STX12: variants seen among roughly 807,000 people sequenced by gnomAD.
STX12 encodes syntaxin 12, also known as syntaxin-12.
In STX12, 17 loss-of-function variants were observed where a neutral mutation model predicts 42.2. That is an observed-to-expected ratio of 0.40 (90% confidence interval 0.28 to 0.60). The LOEUF (loss-of-function observed/expected upper bound fraction) is 0.60. STX12 is among the 20% of genes least tolerant of loss of function. The probability of loss-of-function intolerance (pLI) is 0.39; values close to 1 mark genes in which losing one functional copy is unlikely to be tolerated. For missense variants in STX12, 297 were observed against 330.9 expected, an observed-to-expected ratio of 0.90 and a Z score of 0.79; for synonymous variants, 108 against 116.7, an observed-to-expected ratio of 0.93 and a Z score of 0.48.
At chr1:27,804,726 G>A (rs539540256) in intron 4 of STX12, among the ~76,000 whole-genome samples, 2 of 150,566 alleles carry the variant, frequency 1.3e-5, no homozygotes, top group East Asian at 2.0e-4. Context: ...CAGGAGACTC[G>A]CTTCAACCCG....
At chr1:27,817,948 C>T in intron 7 of STX12, 25 bp downstream of exon 7, 1 of 1,586,716 alleles carries the variant, frequency 6.3e-7, no homozygotes, top group Non-Finnish European at 8.7e-7. Flanking sequence ...TACCTTTAAC[C>T]TCAAGGTGAG....
intron 6 of STX12, among the ~76,000 whole-genome samples, chr1:27,812,990 C>A (rs769213715): frequency 6.6e-6 from 1 of 152,134 alleles, no homozygotes; most frequent in Non-Finnish European, 1.5e-5. Flanking sequence ...AGAATAAAGG[C>A]AGGCCAAAAG....
chr1:27,792,130 ATATATG>A (rs1286496303), intron 2 of STX12, among the ~76,000 whole-genome samples: 31 of 134,504 alleles, frequency 2.3e-4, no homozygotes, highest in African/African-American at 8.6e-4. Flanking sequence ...ATATATATCT[ATATATG>A]TATATATCTA....
chr1:27,787,997 G>C (rs1343754675), intron 1 of STX12, among the ~76,000 whole-genome samples: 1 of 152,062 alleles, frequency 6.6e-6, no homozygotes, highest in Non-Finnish European at 1.5e-5. Flanking sequence ...TAGCAGGCTG[G>C]TGTTTCACAA....
chr1:27,789,506 A>G lies in STX12; in HGVS notation c.119-56A>G, dbSNP rs910847918. On this transcript the variant is annotated intron_variant, in intron 1 of 8. Transcript: ENST00000373943. Reference sequence around the variant, plus strand: ...AGACCAGGAATCTTAGAAGTAGGGTACTCATGATGAATGTATTTTTCTTTT... The same window carrying G: ...AGACCAGGAATCTTAGAAGTAGGGTGCTCATGATGAATGTATTTTTCTTTT... 6.3e-6 allele frequency: 8 copies of G among 1,265,412 alleles called. No individual in the cohort carries two copies. In the Admixed American group the frequency reaches 1.5e-4, roughly 25 times the overall value. The allele number at this position is 1,265,412 out of a possible 1,614,324, so 78.4% of individuals were successfully genotyped here.
At chr1:27,798,259 A>G (rs755543193) in intron 3 of STX12, among the ~76,000 whole-genome samples, 3 of 152,112 alleles carry the variant, frequency 2.0e-5, no homozygotes, top group Non-Finnish European at 4.4e-5. Context: ...GGCCGGGCAC[A>G]GTGGTTCACA....
chr1:27,821,787 C>A (rs2088986164), intron 8 of STX12, among the ~76,000 whole-genome samples: 1 of 152,134 alleles, frequency 6.6e-6, no homozygotes, highest in Non-Finnish European at 1.5e-5. Context: ...GAAGCCGAGG[C>A]AGGTAGATCA....
chr1:27,812,301 A>G (rs780790404), intron 6 of STX12, 33 bp downstream of exon 6: 2 of 1,500,314 alleles, frequency 1.3e-6, no homozygotes, highest in South Asian at 1.2e-5. Flanking sequence ...TGTTTGACTC[A>G]GTGTGTCTGC....
chr1:27,812,165 A>G lies in STX12; in HGVS notation c.473A>G (p.His158Arg), dbSNP rs1465721775. 1.3e-5 allele frequency: 20 copies of G among 1,554,670 alleles called. No homozygotes were observed. The highest frequency in any genetic ancestry group is 2.4e-5 in the East Asian group (1 of 41,238). The change falls in exon 6 of 9, where the codon CAT becomes CGT. Residue 158 changes from histidine to arginine, a missense_variant and splice_region_variant. Physicochemically the swap from His to Arg is conservative, Grantham distance 29. Transcript: ENST00000373943. ...CTAGTGTGCCTGTTTCCCTGCAGCC[A>G]TGAGGAGTGGAACCAGATGCAGAGC... ...REEQLVSFDS[H>R]EEWNQMQSQE...
chr1:27,799,160 C>T (rs1443983237), intron 3 of STX12, among the ~76,000 whole-genome samples: 8 of 152,164 alleles, frequency 5.3e-5, no homozygotes, highest in African/African-American at 1.9e-4. Context: ...GTATTACCAT[C>T]ACTCTTCCAG....
chr1:27,817,940 C>A lies in STX12; in HGVS notation c.649+17C>A, dbSNP rs772970986. 6.2e-7 allele frequency: 1 copy of A among 1,605,806 alleles called. No individual in the cohort carries two copies. The highest frequency in any genetic ancestry group is 1.1e-5 in the South Asian group (1 of 90,710). ...ATCTGATTGGTATGTATTATTGATACCTTTAACCTCAAGGTGAGTTGATAG... is the reference window on the plus strand; with the variant it reads ...ATCTGATTGGTATGTATTATTGATAACTTTAACCTCAAGGTGAGTTGATAG... On this transcript the variant is annotated intron_variant, in intron 7 of 8. Coordinates refer to ENST00000373943, the MANE Select transcript of STX12 (RefSeq NM_177424.3).
At chr1:27,798,829 C>A (rs1201849057) in intron 3 of STX12, among the ~76,000 whole-genome samples, 3 of 144,708 alleles carry the variant, frequency 2.1e-5, no homozygotes, top group African/African-American at 7.7e-5. Flanking sequence ...TGGTACACAT[C>A]TGTAGTCCCA....
chr1:27,824,376 T>C lies in STX12; in HGVS notation c.*2047T>C, dbSNP rs755810583. 3.9e-5 allele frequency: 6 copies of C among 152,226 alleles called. No individual in the cohort carries two copies. The highest frequency in any genetic ancestry group is 7.3e-5 in the Non-Finnish European group (5 of 68,046). 9.4% of individuals were successfully genotyped at this position (152,226 alleles called of 1,614,324 possible). ...ATATGAACTTGGCCTGGATTTTAAA[T>C]GGCCTAGAATTTGTGGTAGTTGCCA... On this transcript the variant is annotated 3_prime_UTR_variant, in exon 9 of 9. Transcript: ENST00000373943.
chr1:27,798,502 A>G (rs2148602417), intron 3 of STX12, among the ~76,000 whole-genome samples: 1 of 151,906 alleles, frequency 6.6e-6, no homozygotes, highest in East Asian at 1.9e-4. Flanking sequence ...AAAATTAGCC[A>G]GGCGTGATGG....
intron 2 of STX12, among the ~76,000 whole-genome samples, chr1:27,789,893 G>A (rs1055013568): frequency 4.6e-5 from 7 of 152,120 alleles, no homozygotes; most frequent in Non-Finnish European, 8.8e-5. Flanking sequence ...AGTAGAAAAG[G>A]GAATTCGTAC....
At position 27,787,097 on chromosome 1, in the gene STX12, A is replaced by G. The variant is rs188573269; in HGVS notation, c.119-2465A>G. ...GCAAAATTTGAATTAAGTGAATCCTATATTTCTGTTATAAAACTGGAATCA... is the reference window on the plus strand; with the variant it reads ...GCAAAATTTGAATTAAGTGAATCCTGTATTTCTGTTATAAAACTGGAATCA... On this transcript the variant is annotated intron_variant, in intron 1 of 8. Transcript: ENST00000373943. Among the ~76,000 whole-genome samples the G allele has an allele frequency of 3.3e-3, 504 of 152,320 alleles. 4 individuals are homozygous for G. Among genetic ancestry groups the G allele is most frequent in the African/African-American group, 0.011 (473 of 41,570 alleles).
intron 3 of STX12, among the ~76,000 whole-genome samples, chr1:27,798,479 T>C (rs1380973857): frequency 6.6e-6 from 1 of 151,746 alleles, no homozygotes; most frequent in Non-Finnish European, 1.5e-5. Flanking sequence ...ACCCCATCTC[T>C]ACTAAAAATA....
intron 1 of STX12, among the ~76,000 whole-genome samples, chr1:27,788,150 A>G (rs1385756163): frequency 6.6e-6 from 1 of 152,196 alleles, no homozygotes; most frequent in Non-Finnish European, 1.5e-5. Context: ...CTTCTGGGCA[A>G]TGAGTACTCT....
At chr1:27,785,382 T>A (rs866504650) in intron 1 of STX12, among the ~76,000 whole-genome samples, 1 of 152,216 alleles carries the variant, frequency 6.6e-6, no homozygotes, top group Non-Finnish European at 1.5e-5. Context: ...GTGGAACCTT[T>A]CTAAGCCAAA....
Sources: gnomAD v4.1 joint callset for allele counts (sites outside exome capture counted in the v4.1 genomes callset) on GRCh38, gnomAD v4.1.1 for gene constraint, MANE v1.5 for transcripts, NCBI Gene and HGNC (gene_info 2026-07-23, HGNC 2026-07-21) for gene names.